Variants in EPB41 observed in about 807,000 individuals in gnomAD.
The protein encoded by EPB41 is protein 4.1.
A neutral mutation model predicts 108.0 loss-of-function variants in EPB41; 65 were observed. That is an observed-to-expected ratio of 0.60 (90% CI 0.49 to 0.74). The LOEUF (loss-of-function observed/expected upper bound fraction) is 0.74, where lower values mean the gene tolerates loss of function less well. Among genes scored for constraint, EPB41 ranks in the 30% least tolerant of loss-of-function variants. The pLI is 0.00. For missense variants in EPB41, 875 were observed against 1,037.0 expected, an observed-to-expected ratio of 0.84 and a Z score of 2.15; for synonymous variants, 336 against 358.9, an observed-to-expected ratio of 0.94 and a Z score of 0.72.
intron 17 of EPB41, 35 bp downstream of exon 17, chr1:29,097,970 T>A: frequency 1.2e-6 from 2 of 1,613,884 alleles, no homozygotes; most frequent in Non-Finnish European, 8.5e-7. Context: ...AACCAAAGGC[T>A]GCAAACAAAA....
intron 1 of EPB41, among the ~76,000 whole-genome samples, chr1:28,929,573 C>T (rs533265508): frequency 1.3e-5 from 2 of 150,410 alleles, no homozygotes; most frequent in African/African-American, 4.9e-5. Context: ...CTCTTGTTGC[C>T]GGGGCTGGAG....
chr1:29,011,082 C>T (rs2096491801), intron 4 of EPB41, among the ~76,000 whole-genome samples: 1 of 148,940 alleles, frequency 6.7e-6, no homozygotes, highest in African/African-American at 2.5e-5. Context: ...CGAGATTGCG[C>T]CATTGCTCTC....
At chr1:28,921,008 A>C (rs157210) in intron 1 of EPB41, among the ~76,000 whole-genome samples, 18,645 of 152,108 alleles carry the variant, frequency 0.12, 1,577 homozygotes, top group African/African-American at 0.25. Context: ...GGCTCAAGTG[A>C]TCCTCCTGTC....
intron 1 of EPB41, among the ~76,000 whole-genome samples, chr1:28,973,821 T>G (rs1268762822): frequency 6.6e-6 from 1 of 152,190 alleles, no homozygotes; most frequent in African/African-American, 2.4e-5. Flanking sequence ...CAGATGGGCA[T>G]TCAGCTTGAG....
At chr1:29,030,325 AG>A in intron 7 of EPB41, 74 bp from the exon 8 acceptor site, 4 of 1,134,000 alleles carry the variant, frequency 3.5e-6, no homozygotes, top group Middle Eastern at 2.0e-4. Flanking sequence ...TTTAAAATAC[AG>A]TGAATATATA....
rs547322551 is a variant in EPB41 at position 29,097,891 on chromosome 1, A to G, written c.2269A>G (p.Ile757Val). The change falls in exon 17 of 21, where the codon ATT (isoleucine) becomes GTT (valine). Residue 757 changes from isoleucine to valine, a missense_variant. Ile to Val is a conservative substitution (Grantham distance 29). Coordinates refer to ENST00000343067, the MANE Select transcript of EPB41 (RefSeq NM_001376013.1). ...TGAAATCCCAACCAAAGACGTCCCT[A>G]TTGTCCACACTGAGACCAAGACCAT... ...KSEIPTKDVP[I>V]VHTETKTITY... 4.5e-5 allele frequency: 72 copies of G among 1,614,000 alleles called. No individual in the cohort carries two copies. The South Asian group carries it at 7.0e-4, about 16-fold the overall frequency.
intron 1 of EPB41, among the ~76,000 whole-genome samples, chr1:28,907,839 A>T (rs1244208358): frequency 8.6e-6 from 1 of 116,176 alleles, no homozygotes; most frequent in Non-Finnish European, 1.6e-5. Flanking sequence ...TAAAAATTTT[A>T]ATTTTTTTTT....
intron 7 of EPB41, among the ~76,000 whole-genome samples, chr1:29,019,333 A>C (rs1429548725): frequency 1.3e-5 from 2 of 152,210 alleles, no homozygotes. Context: ...TGGGAGGTCA[A>C]GGCTGCCATG....
chr1:29,023,596 A>G (rs1445431620), intron 7 of EPB41, among the ~76,000 whole-genome samples: 1 of 151,846 alleles, frequency 6.6e-6, no homozygotes, highest in Non-Finnish European at 1.5e-5. Context: ...CTGAGGCAGG[A>G]GAATCGCTTG....
At chr1:28,920,928 G>A (rs900962344) in intron 1 of EPB41, among the ~76,000 whole-genome samples, 1 of 152,098 alleles carries the variant, frequency 6.6e-6, no homozygotes, top group African/African-American at 2.4e-5. Context: ...ATGGCGCCCA[G>A]CCTATTTTAA....
chr1:28,984,826 T>G (rs911353261), intron 1 of EPB41, among the ~76,000 whole-genome samples: 2 of 152,090 alleles, frequency 1.3e-5, no homozygotes, highest in Non-Finnish European at 2.9e-5. Flanking sequence ...ACCTGGCTAA[T>G]TTTTAAATTT....
At chr1:28,971,601 A>G (rs2095498250) in intron 1 of EPB41, among the ~76,000 whole-genome samples, 1 of 152,252 alleles carries the variant, frequency 6.6e-6, no homozygotes, top group African/African-American at 2.4e-5. Context: ...TTGGCAGGCC[A>G]CTTTGACATC....
chr1:29,101,663 A>G (rs1402382687), intron 17 of EPB41, among the ~76,000 whole-genome samples: 3 of 152,028 alleles, frequency 2.0e-5, no homozygotes, highest in African/African-American at 7.2e-5. Flanking sequence ...GCGAGCGTCC[A>G]TCTCAAAAAT....
intron 19 of EPB41, among the ~76,000 whole-genome samples, chr1:29,113,596 A>G (rs912640954): frequency 2.6e-5 from 4 of 152,214 alleles, no homozygotes; most frequent in African/African-American, 9.6e-5. Flanking sequence ...AATGCGGTGA[A>G]AGGTGTTTGA....
At chr1:29,090,417 T>TTGGA (rs1186109762) in intron 16 of EPB41, among the ~76,000 whole-genome samples, 6 of 151,970 alleles carry the variant, frequency 3.9e-5, no homozygotes, top group Admixed American at 3.9e-4. Context: ...GCATGGATGA[T>TTGGA]TGGATGGATG....
chr1:28,897,914 T>C (rs2090890419), intron 1 of EPB41, among the ~76,000 whole-genome samples: 1 of 152,018 alleles, frequency 6.6e-6, no homozygotes, highest in Non-Finnish European at 1.5e-5. Context: ...CGAACTGCCA[T>C]GTGCAGAGTG....
chr1:28,988,196 G>T (rs919204871), intron 2 of EPB41, among the ~76,000 whole-genome samples: 2 of 152,174 alleles, frequency 1.3e-5, no homozygotes, highest in Non-Finnish European at 2.9e-5. Context: ...GGAGGCGGAG[G>T]CTGCAGTGAG....
At chr1:28,898,800 C>G in intron 1 of EPB41, among the ~76,000 whole-genome samples, 1 of 152,254 alleles carries the variant, frequency 6.6e-6, no homozygotes, top group East Asian at 1.9e-4. Context: ...TCTCCCACCC[C>G]CTGCACTAGA....
intron 1 of EPB41, among the ~76,000 whole-genome samples, chr1:28,953,061 G>T (rs1412541643): frequency 7.2e-6 from 1 of 139,654 alleles, no homozygotes; most frequent in East Asian, 2.5e-4. Flanking sequence ...ATTTCTAGTT[G>T]TCTCAAATGG....
Sources: gnomAD v4.1 joint callset for allele counts (sites outside exome capture counted in the v4.1 genomes callset) on GRCh38, gnomAD v4.1.1 for gene constraint, MANE v1.5 for transcripts, NCBI Gene and HGNC (gene_info 2026-07-23, HGNC 2026-07-21) for gene names.